The following GNAZ variants were observed in gnomAD, a reference collection of about 807,000 sequenced individuals.
GNAZ encodes the protein G protein subunit alpha z.
A neutral mutation model predicts 25.4 loss-of-function variants in GNAZ; 3 were observed. That is an observed-to-expected ratio of 0.12 (90% CI 0.05 to 0.30). The LOEUF is 0.30. Ranked by LOEUF, GNAZ falls within the 10% of genes least tolerant of loss-of-function variation. GNAZ has a pLI of 1.00. For synonymous variants in GNAZ, 211 were observed against 205.7 expected, an observed-to-expected ratio of 1.03 and a Z score of -0.22; for missense variants, 241 against 501.8, an observed-to-expected ratio of 0.48 and a Z score of 4.97.
intron 1 of GNAZ, among the ~76,000 whole-genome samples, chr22:23,091,869 C>T (rs1177743852): frequency 6.6e-6 from 1 of 152,220 alleles, no homozygotes; most frequent in Non-Finnish European, 1.5e-5. Flanking sequence ...CTCTCCTCCT[C>T]TCCCTCAGTC....
intron 1 of GNAZ, among the ~76,000 whole-genome samples, chr22:23,080,919 G>A (rs971561744): frequency 2.6e-5 from 4 of 152,190 alleles, no homozygotes; most frequent in Admixed American, 1.3e-4. Context: ...TCAGTACAGG[G>A]TTGGCCCTCC....
chr22:23,101,716 A>G (rs2069307488), intron 2 of GNAZ, among the ~76,000 whole-genome samples: 1 of 152,118 alleles, frequency 6.6e-6, no homozygotes, highest in Non-Finnish European at 1.5e-5. Flanking sequence ...AGTTATCATG[A>G]CCCTGGAACA....
In GNAZ at chr22:23,120,886, T is replaced by C. The variant is rs78748130; in HGVS notation, c.724-2201T>C. Reference sequence around the variant, plus strand: ...TGCTCAGTAAATTAATAATACGTGCTAATGGTCATATCTGTTATTTAACTG... The same window carrying C: ...TGCTCAGTAAATTAATAATACGTGCCAATGGTCATATCTGTTATTTAACTG... On this transcript the variant is annotated intron_variant, in intron 2 of 2. Transcript: ENST00000615612. Among the ~76,000 whole-genome samples the C allele has an allele frequency of 3.3e-3, 500 of 152,322 alleles. 3 individuals carry two copies. Among genetic ancestry groups the C allele is most frequent in the African/African-American group, 0.011 (477 of 41,562 alleles).
chr22:23,115,653 C>T (rs1280877314), intron 2 of GNAZ, among the ~76,000 whole-genome samples: 1 of 152,162 alleles, frequency 6.6e-6, no homozygotes, highest in African/African-American at 2.4e-5. Context: ...GCAGAAGATG[C>T]GTGAAGCAGG....
chr22:23,120,800 C>G (rs181713932), intron 2 of GNAZ, among the ~76,000 whole-genome samples: 1 of 152,306 alleles, frequency 6.6e-6, no homozygotes, highest in East Asian at 1.9e-4. Flanking sequence ...GGACTCCCAC[C>G]TCAAGCTCCA....
intron 2 of GNAZ, among the ~76,000 whole-genome samples, chr22:23,108,839 G>C (rs1020591769): frequency 6.6e-6 from 1 of 152,242 alleles, no homozygotes; most frequent in Non-Finnish European, 1.5e-5. Context: ...GAGAGGTGGT[G>C]TCCCTATTTG....
At chr22:23,113,561 A>G (rs972370063) in intron 2 of GNAZ, among the ~76,000 whole-genome samples, 2 of 152,286 alleles carry the variant, frequency 1.3e-5, no homozygotes, top group Non-Finnish European at 2.9e-5. Context: ...CGAATAAGCT[A>G]TTTCCTTTGC....
At chr22:23,111,263 T>C (rs1322980005) in intron 2 of GNAZ, among the ~76,000 whole-genome samples, 1 of 152,030 alleles carries the variant, frequency 6.6e-6, no homozygotes. Flanking sequence ...AGGTGGAGAG[T>C]AGCAGAGCCA....
rs1403372889 is a variant in GNAZ at position 23,124,045 on chromosome 22, A to T, written c.*614A>T. On this transcript the variant is annotated 3_prime_UTR_variant, in exon 3 of 3. Transcript: ENST00000615612. Reference sequence around the variant, plus strand: ...CCTCCAGCCACTCACAGCTCTTTTTAAAAAACAGCTTCAAAATATGCAGCA... The same window carrying T: ...CCTCCAGCCACTCACAGCTCTTTTTTAAAAACAGCTTCAAAATATGCAGCA... 1 of 231,086 alleles carries T rather than the reference A, an allele frequency of 4.3e-6. No homozygotes were observed. The highest frequency in any genetic ancestry group is 8.8e-6 in the Non-Finnish European group (1 of 114,100). The allele number at this position is 231,086 out of a possible 1,614,324, so 14.3% of individuals were successfully genotyped here.
At chr22:23,112,850 T>A (rs1301277696) in intron 2 of GNAZ, among the ~76,000 whole-genome samples, 1 of 151,988 alleles carries the variant, frequency 6.6e-6, no homozygotes, top group Non-Finnish European at 1.5e-5. Context: ...TGTGGACCCA[T>A]CAGGAAGGCA....
At chr22:23,104,534 C>T (rs1306952307) in intron 2 of GNAZ, among the ~76,000 whole-genome samples, 1 of 152,198 alleles carries the variant, frequency 6.6e-6, no homozygotes, top group African/African-American at 2.4e-5. Context: ...TAGCTCTGCT[C>T]AGTACACACA....
At chr22:23,111,370 G>T (rs1443156995) in intron 2 of GNAZ, among the ~76,000 whole-genome samples, 1 of 152,222 alleles carries the variant, frequency 6.6e-6, no homozygotes, top group Non-Finnish European at 1.5e-5. Context: ...AAGCGCACTG[G>T]ACTCGGTTCC....
rs2069125430 is a variant in GNAZ, at chr22:23,096,415, G to C, written c.720G>C (p.Gln240His). ...GYDLKLYEDN[Q>H]TSRMAESLRL... Reference sequence around the variant, plus strand: ...ACCTGAAACTCTACGAGGATAACCAGACAGTAAGTGGGGCCGGGGGTTTTC... The same window carrying C: ...ACCTGAAACTCTACGAGGATAACCACACAGTAAGTGGGGCCGGGGGTTTTC... The change falls in exon 2 of 3, where the codon CAG (glutamine) becomes CAC (histidine). Residue 240 changes from glutamine (Q) to histidine (H), a missense_variant. By Grantham distance (24) the Gln-to-His change is conservative (BLOSUM62 0). Coordinates refer to ENST00000615612, the MANE Select transcript of GNAZ (RefSeq NM_002073.4). The C allele has an allele frequency of 6.2e-7, 1 of 1,601,292 alleles. No homozygotes were observed. Among genetic ancestry groups the C allele is most frequent in the African/African-American group, 1.3e-5 (1 of 74,822 alleles).
chr22:23,094,137 G>A (rs1382534960), intron 1 of GNAZ, among the ~76,000 whole-genome samples: 2 of 152,200 alleles, frequency 1.3e-5, no homozygotes, highest in Non-Finnish European at 2.9e-5. Flanking sequence ...GAGTTGATGG[G>A]TGGTATTAAA....
At chr22:23,103,030 C>A (rs998011702) in intron 2 of GNAZ, among the ~76,000 whole-genome samples, 1 of 152,162 alleles carries the variant, frequency 6.6e-6, no homozygotes, top group Non-Finnish European at 1.5e-5. Context: ...GAGTTCTCTT[C>A]GGCACCATGC....
At chr22:23,109,827 G>A (rs924457604) in intron 2 of GNAZ, among the ~76,000 whole-genome samples, 4 of 152,202 alleles carry the variant, frequency 2.6e-5, no homozygotes, top group Non-Finnish European at 5.9e-5. Flanking sequence ...GCATAGGCAG[G>A]CCTTCTGCTG....
chr22:23,096,464 G>A (rs2069126879), intron 2 of GNAZ, 46 bp downstream of exon 2: 2 of 1,555,172 alleles, frequency 1.3e-6, no homozygotes, highest in African/African-American at 1.4e-5. Context: ...TGCTGTCGTG[G>A]GTTCCTGGAA....
At chr22:23,075,358 T>C (rs1440371177) in intron 1 of GNAZ, among the ~76,000 whole-genome samples, 1 of 152,178 alleles carries the variant, frequency 6.6e-6, no homozygotes, top group East Asian at 1.9e-4. Context: ...AATTCTTCAC[T>C]AAATGTCTTG....
intron 2 of GNAZ, chr22:23,122,694 C>G (rs1479560672): frequency 4.3e-6 from 1 of 231,210 alleles, no homozygotes; most frequent in Non-Finnish European, 8.5e-6. Context: ...GATGGCCTTC[C>G]TTGTACAGGT....
Sources: allele counts gnomAD v4.1 joint callset (sites outside exome capture counted in the v4.1 genomes callset), GRCh38; gene constraint gnomAD v4.1.1; transcripts MANE v1.5; gene names NCBI Gene and HGNC (gene_info 2026-07-23, HGNC 2026-07-21).